ARVCF: variants seen among roughly 807,000 people sequenced by gnomAD.
ARVCF encodes the protein splicing regulator ARVCF.
ARVCF carries 66 observed loss-of-function variants against 90.9 expected under a neutral mutation model. That is an observed-to-expected ratio of 0.73 (90% CI 0.60 to 0.89). ARVCF has a LOEUF of 0.89. Ranked by LOEUF, ARVCF falls within the 40% of genes least tolerant of loss-of-function variation. ARVCF has a pLI of 0.00. For missense variants in ARVCF, 1,469 were observed against 1,382.3 expected (o/e 1.06, Z -1.00); for synonymous variants, 653 against 603.4 (o/e 1.08, Z -1.21).
chr22:19,989,362 C>T (rs539117559), intron 3 of ARVCF, among the ~76,000 whole-genome samples: 11 of 152,202 alleles, frequency 7.2e-5, no homozygotes, highest in South Asian at 6.2e-4. Flanking sequence ...CATGAGCAGA[C>T]GTAGGAAGCA....
chr22:19,973,066 G>GCC, intron 14 of ARVCF, 30 bp from the exon 15 acceptor site: 1 of 1,604,290 alleles, frequency 6.2e-7, no homozygotes, highest in African/African-American at 1.3e-5. Context: ...GTCAGTGGTG[G>GCC]CCCCTCCCCC....
At chr22:20,007,232 T>C (rs1008605272) in intron 2 of ARVCF, among the ~76,000 whole-genome samples, 10 of 151,700 alleles carry the variant, frequency 6.6e-5, no homozygotes, top group African/African-American at 2.4e-4. Flanking sequence ...CCCATCTCTA[T>C]TAAAAAAAAA....
intron 2 of ARVCF, among the ~76,000 whole-genome samples, chr22:19,991,333 C>A (rs144603143): frequency 2.8e-3 from 431 of 152,310 alleles, no homozygotes; most frequent in African/African-American, 9.5e-3. Flanking sequence ...TGCCCAAGAC[C>A]CCGAGGCAGG....
At chr22:20,005,876 T>C (rs916821895) in intron 2 of ARVCF, among the ~76,000 whole-genome samples, 4 of 150,524 alleles carry the variant, frequency 2.7e-5, no homozygotes, top group Non-Finnish European at 4.4e-5. Context: ...TTATTCACAA[T>C]AGCCAAAAAG....
At chr22:19,980,352 G>C in intron 5 of ARVCF, 110 bp from the exon 6 acceptor site, 2 of 1,400,470 alleles carry the variant, frequency 1.4e-6, no homozygotes, top group Middle Eastern at 2.6e-4. Flanking sequence ...AGCAGCGCTG[G>C]GCTGAGAGCA....
Position 19,979,798 on chromosome 22 carries a change from G to A in ARVCF, c.1341C>T (p.Ala447=). 6.2e-7 allele frequency: 1 copy of A among 1,609,214 alleles called. No homozygotes were observed. The highest frequency in any genetic ancestry group is 8.5e-7 in the Non-Finnish European group (1 of 1,178,430). The change falls in exon 6 of 20, where the codon GCC becomes GCT. Residue 447 remains alanine, a synonymous_variant. Transcript: ENST00000263207. ...AAIRDCGGVP[A]LVRLLRAARD... ...GGGCAGCCCTCAGCAGGCGCACCAG[G>A]GCAGGCACACCACCGCAGTCCCGGA...
At position 19,972,991 on chromosome 22, in the gene ARVCF, T is replaced by A. The variant is rs763700260; in HGVS notation, c.2484A>T (p.Thr828=). 41 of 1,613,450 alleles carry A rather than the reference T, an allele frequency of 2.5e-5. No homozygotes were observed. Among genetic ancestry groups the A allele is most frequent in the Non-Finnish European group, 3.0e-5 (35 of 1,179,996 alleles). Residue 828 remains threonine (T), a synonymous_variant, in exon 15 of 20, where the codon ACA becomes ACT. Coordinates refer to ENST00000263207, the MANE Select transcript of ARVCF (RefSeq NM_001670.3). The part of the protein sequence containing the change: ...EAKAASHVLQ[T]VWSYKELRGT... ...CACGCAGCTCCTTGTAGCTCCACACTGTCTGCAGCACGTGTGACGCCGCCT... is the reference window on the plus strand; with the variant it reads ...CACGCAGCTCCTTGTAGCTCCACACAGTCTGCAGCACGTGTGACGCCGCCT...
At chr22:19,990,445 G>A in intron 3 of ARVCF, 140 bp downstream of exon 3, 1 of 1,074,358 alleles carries the variant, frequency 9.3e-7, no homozygotes, top group Middle Eastern at 2.2e-4. Context: ...CCCAACCTGG[G>A]ATCCCATTTT....
chr22:19,972,456 G>C, intron 16 of ARVCF, 45 bp from the exon 17 acceptor site: 1 of 1,611,442 alleles, frequency 6.2e-7, no homozygotes, highest in Non-Finnish European at 8.5e-7. Flanking sequence ...GCAGCCAGGG[G>C]GGATCGGGGC....
At chr22:20,009,573 C>T (rs1167056866) in intron 2 of ARVCF, among the ~76,000 whole-genome samples, 5 of 152,212 alleles carry the variant, frequency 3.3e-5, no homozygotes, top group Non-Finnish European at 5.9e-5. Context: ...AGGGTGGGGA[C>T]TGGAGGAACA....
chr22:20,003,824 T>C (rs1197188922), intron 2 of ARVCF, among the ~76,000 whole-genome samples: 1 of 152,114 alleles, frequency 6.6e-6, no homozygotes, highest in Non-Finnish European at 1.5e-5. Flanking sequence ...AAGATGGCTG[T>C]TTTGACCACT....
rs201679264 is a variant in ARVCF, at chr22:19,972,999, G to A, written c.2476C>T (p.Leu826=). 1.5e-4 allele frequency: 235 copies of A among 1,613,572 alleles called. No individual in the cohort carries two copies. The highest frequency in any genetic ancestry group is 9.9e-4 in the Middle Eastern group (6 of 6,062). The change falls in exon 15 of 20, where the codon CTG becomes TTG. Residue 826 remains leucine (L), a synonymous_variant. Transcript: ENST00000263207. The part of the protein sequence containing the change: ...VREAKAASHV[L]QTVWSYKELR... ...TCCTTGTAGCTCCACACTGTCTGCA[G>A]CACGTGTGACGCCGCCTTCGCTTCG...
At chr22:19,998,306 C>A (rs1384505177) in intron 2 of ARVCF, among the ~76,000 whole-genome samples, 8 of 152,258 alleles carry the variant, frequency 5.3e-5, no homozygotes, top group African/African-American at 1.9e-4. Context: ...TGGAAACACC[C>A]AGGCTTCTCC....
chr22:19,976,554 C>T, intron 10 of ARVCF, 152 bp downstream of exon 10: 6 of 1,070,510 alleles, frequency 5.6e-6, no homozygotes, highest in South Asian at 4.7e-5. Flanking sequence ...GAATGAGCCC[C>T]GTGGCCTTCC....
chr22:19,966,763 G>A (rs1055133860), downstream of ARVCF, among the ~76,000 whole-genome samples: 20 of 149,668 alleles, frequency 1.3e-4, no homozygotes, highest in African/African-American at 4.5e-4. Flanking sequence ...GTTGTTTCTC[G>A]AGACAGTCTC....
At chr22:19,975,647 C>T (rs1943109188) in intron 11 of ARVCF, 39 bp downstream of exon 11, 4 of 1,610,732 alleles carry the variant, frequency 2.5e-6, no homozygotes, top group Non-Finnish European at 3.4e-6. Context: ...TGAGCCCAGA[C>T]ATCCCCCAGT....
downstream of ARVCF, chr22:19,968,742 C>G: frequency 6.2e-7 from 1 of 1,608,556 alleles, no homozygotes; most frequent in Non-Finnish European, 8.5e-7. Context: ...CCTGACTGCC[C>G]CCCCGGCCCC....
At chr22:20,012,443 A>G (rs1433039086) in intron 1 of ARVCF, among the ~76,000 whole-genome samples, 1 of 152,242 alleles carries the variant, frequency 6.6e-6, no homozygotes, top group African/African-American at 2.4e-5. Context: ...CAGACAGGAC[A>G]GTGATGTGAA....
At chr22:19,983,968 G>A (rs961493455) in intron 3 of ARVCF, among the ~76,000 whole-genome samples, 3 of 152,206 alleles carry the variant, frequency 2.0e-5, no homozygotes, top group Admixed American at 1.3e-4. Flanking sequence ...TGCTGGGGCT[G>A]GGCTGCCCCA....
Sources: allele counts gnomAD v4.1 joint callset (sites outside exome capture counted in the v4.1 genomes callset), GRCh38; gene constraint gnomAD v4.1.1; transcripts MANE v1.5; gene names NCBI Gene and HGNC (gene_info 2026-07-23, HGNC 2026-07-21).